The following OPCML variants were observed in gnomAD, a reference collection of about 807,000 sequenced individuals.
The protein encoded by OPCML is opioid-binding protein/cell adhesion molecule.
OPCML carries 13 observed loss-of-function variants against 37.8 expected under a neutral mutation model. The ratio of observed to expected loss-of-function variants is 0.34; its 90% CI spans 0.22 to 0.55. OPCML has a LOEUF of 0.55. Among genes scored for constraint, OPCML ranks in the 20% least tolerant of loss-of-function variants. The probability of loss-of-function intolerance (pLI) is 0.91; values close to 1 mark genes in which losing one functional copy is unlikely to be tolerated. For missense variants in OPCML, 341 were observed against 435.6 expected (o/e 0.78, Z 1.93); for synonymous variants, 176 against 168.8 (o/e 1.04, Z -0.33).
At chr11:133,411,085 C>A (rs1489824351) in intron 1 of OPCML, among the ~76,000 whole-genome samples, 1 of 152,122 alleles carries the variant, frequency 6.6e-6, no homozygotes, top group Non-Finnish European at 1.5e-5. Context: ...AGAGGAACAA[C>A]AAATGAAGAC....
chr11:133,466,761 CAAG>C (rs1946986365), intron 1 of OPCML, among the ~76,000 whole-genome samples: 1 of 151,988 alleles, frequency 6.6e-6, no homozygotes, highest in Admixed American at 6.6e-5. Context: ...ACTTGAGTGA[CAAG>C]AAGGTGGGAG....
At chr11:133,255,304 G>A (rs1226596353) in intron 1 of OPCML, among the ~76,000 whole-genome samples, 1 of 152,128 alleles carries the variant, frequency 6.6e-6, no homozygotes, top group African/African-American at 2.4e-5. Flanking sequence ...ATTTTACAGG[G>A]AAGGTCAGGG....
chr11:132,483,418 G>C (rs1024102910), intron 4 of OPCML, among the ~76,000 whole-genome samples: 9 of 152,026 alleles, frequency 5.9e-5, no homozygotes, highest in African/African-American at 2.2e-4. Context: ...AATCAAAGAG[G>C]ATACAAACAA....
chr11:133,381,986 G>T (rs540955111), intron 1 of OPCML, among the ~76,000 whole-genome samples: 1 of 152,306 alleles, frequency 6.6e-6, no homozygotes, highest in Admixed American at 6.5e-5. Flanking sequence ...TCCTGGGAGG[G>T]AGGCCGGAGC....
At chr11:133,283,448 A>C (rs1942216052) in intron 1 of OPCML, among the ~76,000 whole-genome samples, 1 of 148,208 alleles carries the variant, frequency 6.7e-6, no homozygotes, top group African/African-American at 2.5e-5. Context: ...CTCTGCTGTG[A>C]TTAGAAGCTT....
intron 3 of OPCML, among the ~76,000 whole-genome samples, chr11:132,593,937 T>G (rs2096488613): frequency 6.6e-6 from 1 of 152,212 alleles, no homozygotes; most frequent in Non-Finnish European, 1.5e-5. Context: ...AGCAAGTGTG[T>G]AAACATACTG....
At chr11:133,378,013 T>TA (rs1290714866) in intron 1 of OPCML, among the ~76,000 whole-genome samples, 9 of 152,208 alleles carry the variant, frequency 5.9e-5, no homozygotes, top group Non-Finnish European at 1.2e-4. Flanking sequence ...TGAGCTGAAA[T>TA]CGGTCTTCCT....
intron 1 of OPCML, among the ~76,000 whole-genome samples, chr11:133,431,338 A>G (rs948033073): frequency 1.4e-4 from 21 of 152,354 alleles, no homozygotes; most frequent in East Asian, 5.8e-4. Context: ...CAATTTATAT[A>G]TATAATTATC....
intron 1 of OPCML, among the ~76,000 whole-genome samples, chr11:133,085,817 A>G (rs1948810415): frequency 6.6e-6 from 1 of 152,244 alleles, no homozygotes; most frequent in South Asian, 2.1e-4. Context: ...GTTCTAGTGT[A>G]TATCTGATCT....
intron 1 of OPCML, among the ~76,000 whole-genome samples, chr11:133,050,539 C>A (rs771172297): frequency 6.6e-6 from 1 of 152,038 alleles, no homozygotes; most frequent in Non-Finnish European, 1.5e-5. Flanking sequence ...ATGTAAAAAT[C>A]AATAAGGAAT....
chr11:133,458,208 G>GTATA (rs201989576), intron 1 of OPCML, among the ~76,000 whole-genome samples: 1 of 119,870 alleles, frequency 8.3e-6, no homozygotes, highest in African/African-American at 5.8e-5. Context: ...ACACGTGTGT[G>GTATA]TATATATACA....
intron 3 of OPCML, among the ~76,000 whole-genome samples, chr11:132,551,593 A>G (rs1207902590): frequency 2.0e-5 from 3 of 152,170 alleles, no homozygotes; most frequent in Admixed American, 2.0e-4. Flanking sequence ...CAAACCCTGC[A>G]TTTGATGGAT....
In OPCML at chr11:132,650,542, G is replaced by A. The variant is rs535330165; in HGVS notation, c.379+6545C>T. Among the ~76,000 whole-genome samples the A allele has an allele frequency of 4.9e-4, 75 of 152,074 alleles. No homozygotes were observed. The South Asian group carries it at 0.016, about 32-fold the overall frequency. On this transcript the variant is annotated intron_variant, in intron 3 of 7. Coordinates refer to ENST00000524381, the MANE Select transcript of OPCML (RefSeq NM_001012393.5). Reference sequence around the variant, plus strand: ...TAATATACAGAATTTGCAGCTTAGAGACCCCTTCTCAGAATCTTATTTCCA... The same window carrying A: ...TAATATACAGAATTTGCAGCTTAGAAACCCCTTCTCAGAATCTTATTTCCA...
chr11:133,373,808 A>T (rs558530031), intron 1 of OPCML, among the ~76,000 whole-genome samples: 1 of 152,196 alleles, frequency 6.6e-6, no homozygotes, highest in Non-Finnish European at 1.5e-5. Flanking sequence ...TGTTATGGTC[A>T]TCTTTCCATG....
chr11:132,457,264 C>A (rs904908629), intron 4 of OPCML, among the ~76,000 whole-genome samples: 1 of 152,140 alleles, frequency 6.6e-6, no homozygotes, highest in African/African-American at 2.4e-5. Context: ...GCATGAGTGG[C>A]CTTGAACACA....
At chr11:133,400,455 A>C (rs1945378086) in intron 1 of OPCML, among the ~76,000 whole-genome samples, 1 of 152,172 alleles carries the variant, frequency 6.6e-6, no homozygotes, top group Non-Finnish European at 1.5e-5. Flanking sequence ...AATATTTTGC[A>C]TTCCTATGGT....
intron 2 of OPCML, among the ~76,000 whole-genome samples, chr11:132,867,692 A>C (rs932103445): frequency 6.6e-6 from 1 of 152,144 alleles, no homozygotes; most frequent in African/African-American, 2.4e-5. Flanking sequence ...AGGAATGGAA[A>C]CCCAGTGAGT....
intron 1 of OPCML, among the ~76,000 whole-genome samples, chr11:133,108,647 T>C (rs934144088): frequency 1.3e-5 from 2 of 152,028 alleles, no homozygotes; most frequent in Non-Finnish European, 2.9e-5. Context: ...ACACTAACCA[T>C]TGTCTGGCTC....
At chr11:133,113,127 TATC>T (rs1173031295) in intron 1 of OPCML, among the ~76,000 whole-genome samples, 2 of 152,192 alleles carry the variant, frequency 1.3e-5, no homozygotes, top group Non-Finnish European at 2.9e-5. Context: ...TGTTCCTACT[TATC>T]ATGCAAAAAA....
Sources: gnomAD v4.1 joint callset for allele counts (sites outside exome capture counted in the v4.1 genomes callset) on GRCh38, gnomAD v4.1.1 for gene constraint, MANE v1.5 for transcripts, NCBI Gene and HGNC (gene_info 2026-07-23, HGNC 2026-07-21) for gene names.